AOPEP: variants seen among roughly 807,000 people sequenced by gnomAD.
AOPEP encodes the protein aminopeptidase O.
AOPEP carries 77 observed loss-of-function variants against 98.1 expected under a neutral mutation model. That is an observed-to-expected ratio of 0.78 (90% CI 0.65 to 0.95). AOPEP has a LOEUF of 0.95. Ranked by LOEUF, AOPEP falls within the 40% of genes least tolerant of loss-of-function variation. The pLI is 0.00. For missense variants in AOPEP, 1,024 were observed against 1,024.7 expected, an observed-to-expected ratio of 1.00 and a Z score of 0.01; for synonymous variants, 346 against 365.3, an observed-to-expected ratio of 0.95 and a Z score of 0.60.
At chr9:95,145,798 G>A in the AOPEP span, among the ~76,000 whole-genome samples, 2 of 152,080 alleles carry the variant, frequency 1.3e-5, no homozygotes, top group Non-Finnish European at 2.9e-5. Flanking sequence ...CCAGAGGCAC[G>A]CACCCTTTAT....
chr9:95,141,985 G>GTTTTTTTTTTTTTTTTTTTT, the AOPEP span, among the ~76,000 whole-genome samples: 1 of 83,136 alleles, frequency 1.2e-5, no homozygotes, highest in Non-Finnish European at 2.1e-5. Context: ...AGTTTGTGGG[G>GTTTTTTTTTTTTTTTTTTTT]TTTTTTTTTT....
intron 7 of AOPEP, among the ~76,000 whole-genome samples, chr9:94,941,851 G>A (rs1336177625): frequency 6.6e-6 from 1 of 151,968 alleles, no homozygotes; most frequent in East Asian, 1.9e-4. Context: ...ACATGAAAAA[G>A]CAAGACATTT....
chr9:95,080,634 C>G (rs2069636728), intron 14 of AOPEP, 60 bp from the exon 15 acceptor site: 1 of 1,230,684 alleles, frequency 8.1e-7, no homozygotes. Flanking sequence ...TGTCACTGGG[C>G]CCGGTGGGCT....
chr9:94,768,163 G>C (rs758835180), intron 2 of AOPEP, among the ~76,000 whole-genome samples: 1 of 152,070 alleles, frequency 6.6e-6, no homozygotes, highest in Admixed American at 6.6e-5. Flanking sequence ...CTAAACTGTC[G>C]CATCTGTGGC....
chr9:95,001,440 G>C (rs1426293572), intron 11 of AOPEP, among the ~76,000 whole-genome samples: 1 of 152,164 alleles, frequency 6.6e-6, no homozygotes, highest in Non-Finnish European at 1.5e-5. Flanking sequence ...CAGCTTTAAA[G>C]TGCTTTTACT....
chr9:95,107,942 T>C, the AOPEP span, among the ~76,000 whole-genome samples: 1 of 152,320 alleles, frequency 6.6e-6, no homozygotes, highest in Admixed American at 6.5e-5. Flanking sequence ...ACTCATTCCA[T>C]GCTGAGATGT....
At chr9:95,091,735 T>A (rs1296098136), downstream of AOPEP, among the ~76,000 whole-genome samples, 1 of 152,140 alleles carries the variant, frequency 6.6e-6, no homozygotes, top group African/African-American at 2.4e-5. Context: ...GGGAGACTGA[T>A]CACCCGATAG....
At chr9:94,981,635 A>G (rs1054085307) in intron 11 of AOPEP, among the ~76,000 whole-genome samples, 1 of 152,124 alleles carries the variant, frequency 6.6e-6, no homozygotes, top group African/African-American at 2.4e-5. Flanking sequence ...CACTTCACTG[A>G]AAGGCTCTAC....
At chr9:95,126,716 GA>G in the AOPEP span, 1 of 853,598 alleles carries the variant, frequency 1.2e-6, no homozygotes, top group East Asian at 2.7e-5. Flanking sequence ...TTAGAAGAAC[GA>G]ACCACTGCTG....
chr9:95,097,345 A>G, the AOPEP span, among the ~76,000 whole-genome samples: 1 of 152,224 alleles, frequency 6.6e-6, no homozygotes, highest in African/African-American at 2.4e-5. Context: ...TTTTGGTGGT[A>G]TCCAAGGTAC....
At chr9:94,753,297 A>G (rs1196657702) in intron 1 of AOPEP, among the ~76,000 whole-genome samples, 1 of 152,230 alleles carries the variant, frequency 6.6e-6, no homozygotes, top group Non-Finnish European at 1.5e-5. Flanking sequence ...AATACAAATA[A>G]ATATTGACTT....
At chr9:94,964,805 A>C (rs2059089597) in intron 9 of AOPEP, among the ~76,000 whole-genome samples, 1 of 151,798 alleles carries the variant, frequency 6.6e-6, no homozygotes, top group Non-Finnish European at 1.5e-5. Flanking sequence ...CCACCCAGCT[A>C]ATTTTTTGTA....
intron 13 of AOPEP, among the ~76,000 whole-genome samples, chr9:95,014,386 C>T (rs2062811633): frequency 6.6e-6 from 1 of 151,920 alleles, no homozygotes; most frequent in South Asian, 2.1e-4. Context: ...GGTGGAGTGT[C>T]CCTTGAGCCT....
intron 7 of AOPEP, chr9:94,932,597 CCTCAGTCTCCCAA>C (rs940582666): frequency 6.2e-5 from 10 of 162,062 alleles, no homozygotes; most frequent in African/African-American, 2.4e-4. Flanking sequence ...GATTCTCCCA[CCTCAGTCTCCCAA>C]GTAGCTGGAA....
rs74662903 is a variant in AOPEP, at chr9:94,902,309, G to A, written c.1365-21677G>A. 6.5e-3 allele frequency among the ~76,000 whole-genome samples: 992 copies of A among 152,310 alleles called. 10 individuals are homozygous for A. The highest frequency in any genetic ancestry group is 0.023 in the African/African-American group (937 of 41,566). ...TAAAGCTGGCTGGATCTTGCTTTAT[G>A]TGCTGTGCCTCAGCTCAGCAAACTG... On this transcript the variant is annotated intron_variant, in intron 5 of 16. Transcript: ENST00000375315.
At chr9:95,005,684 G>C in intron 13 of AOPEP, 68 bp downstream of exon 13, 2 of 1,256,014 alleles carry the variant, frequency 1.6e-6, no homozygotes, top group Non-Finnish European at 2.3e-6. Context: ...TGAGGACCTG[G>C]TCATGACAAT....
intron 5 of AOPEP, among the ~76,000 whole-genome samples, chr9:94,850,200 T>A (rs1335933085): frequency 6.6e-6 from 1 of 152,170 alleles, no homozygotes. Context: ...TTTCTAATTG[T>A]AAAAAAGTTA....
the AOPEP span, among the ~76,000 whole-genome samples, chr9:95,149,200 G>C: frequency 1.3e-5 from 2 of 151,808 alleles, no homozygotes; most frequent in African/African-American, 4.8e-5. Flanking sequence ...TTTCAAATAT[G>C]ATAAATATTA....
At chr9:95,004,589 G>C (rs1223986649) in intron 11 of AOPEP, among the ~76,000 whole-genome samples, 2 of 152,118 alleles carry the variant, frequency 1.3e-5, no homozygotes, top group African/African-American at 4.8e-5. Flanking sequence ...TCCGACTCCA[G>C]GAGCGCGCTA....
Sources: allele counts gnomAD v4.1 joint callset (sites outside exome capture counted in the v4.1 genomes callset), GRCh38; gene constraint gnomAD v4.1.1; transcripts MANE v1.5; gene names NCBI Gene and HGNC (gene_info 2026-07-23, HGNC 2026-07-21).